Variants in LUZP2 observed in about 807,000 individuals in gnomAD.
The protein encoded by LUZP2 is leucine zipper protein 2.
A neutral mutation model predicts 51.6 loss-of-function variants in LUZP2; 52 were observed. The observed-to-expected ratio is 1.01, with a 90% confidence interval of 0.81 to 1.27. The LOEUF (loss-of-function observed/expected upper bound fraction) is 1.27. Among genes scored for constraint, LUZP2 ranks in the 50% most tolerant of loss-of-function variants. LUZP2 has a pLI of 0.00. For synonymous variants in LUZP2, 154 were observed against 137.3 expected (o/e 1.12, Z -0.85); for missense variants, 436 against 395.4 (o/e 1.10, Z -0.87).
intron 5 of LUZP2, among the ~76,000 whole-genome samples, chr11:24,796,348 T>C (rs1849543334): frequency 6.6e-6 from 1 of 152,130 alleles, no homozygotes; most frequent in African/African-American, 2.4e-5. Flanking sequence ...CTTCCAATTA[T>C]AGTGTGTTCT....
intron 1 of LUZP2, among the ~76,000 whole-genome samples, chr11:24,593,022 C>T (rs1015717847): frequency 1.3e-5 from 2 of 152,006 alleles, no homozygotes; most frequent in South Asian, 2.1e-4. Flanking sequence ...TTTGACACCT[C>T]GATTCTTTCT....
intron 1 of LUZP2, among the ~76,000 whole-genome samples, chr11:24,593,177 T>C (rs1273551854): frequency 6.6e-6 from 1 of 152,224 alleles, no homozygotes; most frequent in Admixed American, 6.5e-5. Context: ...TTTCCTCTGC[T>C]CCGAACTCCC....
Position 24,807,024 on chromosome 11 carries a change from CAA to C in LUZP2, c.396+43734_396+43735del, listed in dbSNP as rs34565471. Among the ~76,000 whole-genome samples the C allele has an allele frequency of 9.4e-3, 1,032 of 110,250 alleles. 14 individuals carry two copies. Among genetic ancestry groups the C allele is most frequent in the African/African-American group, 0.033 (979 of 29,326 alleles). 72.3% of individuals were successfully genotyped at this position (110,250 alleles called of 152,430 possible). A position where few individuals can be genotyped will look rare whatever the true frequency, so the allele number is the denominator to read the frequency against. ...TTACTATCCCTCAAAGAAAATCCAC[CAA>C]AAAAAAAAAAAAAAAAAGGAGAGAT... On this transcript the variant is annotated intron_variant, in intron 5 of 11. Coordinates refer to ENST00000336930, the MANE Select transcript of LUZP2 (RefSeq NM_001009909.4).
chr11:24,829,563 CAA>C (rs1367490799), intron 5 of LUZP2, among the ~76,000 whole-genome samples: 2 of 152,014 alleles, frequency 1.3e-5, no homozygotes, highest in Admixed American at 1.3e-4. Flanking sequence ...CTCTGTTGCA[CAA>C]AGAGGGTTAA....
At chr11:24,920,294 A>C (rs924714977) in intron 7 of LUZP2, among the ~76,000 whole-genome samples, 2 of 152,026 alleles carry the variant, frequency 1.3e-5, no homozygotes, top group Admixed American at 1.3e-4. Context: ...GGCTTAGTTA[A>C]ATTACTGCTT....
At position 24,959,243 on chromosome 11, in the gene LUZP2, T is replaced by G. The variant is rs2133875640; in HGVS notation, c.523-17348T>G. ...GGATTGACTTGGCGATGCGGGCTCT[T>G]TTTTAGTTCCATATGAACTTTAAAG... On this transcript the variant is annotated intron_variant, in intron 7 of 11. Transcript: ENST00000336930. Among the ~76,000 whole-genome samples the G allele has an allele frequency of 2.0e-5, 3 of 152,252 alleles. No homozygotes were observed. In the South Asian group the frequency reaches 6.2e-4, roughly 32 times the overall value.
chr11:25,043,454 A>T (rs545900156), intron 9 of LUZP2, among the ~76,000 whole-genome samples: 14 of 152,032 alleles, frequency 9.2e-5, no homozygotes, highest in Middle Eastern at 3.4e-3. Flanking sequence ...CTCCCTTCCT[A>T]AAAACAAACA....
chr11:24,602,090 A>G (rs62643969), intron 1 of LUZP2, among the ~76,000 whole-genome samples: 4,076 of 84,868 alleles, frequency 0.048, 145 homozygotes, highest in Admixed American at 0.068. Flanking sequence ...ATGTGTATAT[A>G]TGTATATATG....
chr11:24,741,266 A>G (rs1167557829), intron 4 of LUZP2, among the ~76,000 whole-genome samples: 1 of 152,018 alleles, frequency 6.6e-6, no homozygotes, highest in Non-Finnish European at 1.5e-5. Context: ...CTTTATGGGA[A>G]TCAGACATAT....
rs148138233 is a variant in LUZP2, at chr11:24,726,749, C to G, written c.63-2420C>G. On this transcript the variant is annotated intron_variant, in intron 1 of 11. Coordinates refer to ENST00000336930, the MANE Select transcript of LUZP2 (RefSeq NM_001009909.4). Reference sequence around the variant, plus strand: ...GTAATATATAGACATGGAAAGTGCTCTAAGACATATGAAGCCAGTTACAGA... The same window carrying G: ...GTAATATATAGACATGGAAAGTGCTGTAAGACATATGAAGCCAGTTACAGA... 6.3e-3 allele frequency among the ~76,000 whole-genome samples: 951 copies of G among 152,106 alleles called. 16 individuals are homozygous for G. Among genetic ancestry groups the G allele is most frequent in the African/African-American group, 0.022 (922 of 41,512 alleles).
At chr11:25,021,341 C>T (rs1161058911) in intron 9 of LUZP2, among the ~76,000 whole-genome samples, 3 of 151,376 alleles carry the variant, frequency 2.0e-5, no homozygotes, top group African/African-American at 7.3e-5. Context: ...GAAGAAATAG[C>T]CATGCACAAA....
chr11:24,566,781 A>T (rs1406932276), intron 1 of LUZP2, among the ~76,000 whole-genome samples: 1 of 145,084 alleles, frequency 6.9e-6, no homozygotes, highest in Non-Finnish European at 1.5e-5. Context: ...GTATATATAC[A>T]TATATATAAT....
intron 7 of LUZP2, among the ~76,000 whole-genome samples, chr11:24,957,624 C>T (rs1318870715): frequency 1.3e-5 from 2 of 152,140 alleles, no homozygotes; most frequent in Non-Finnish European, 2.9e-5. Flanking sequence ...GCTTATTTCA[C>T]TTAGCATAAT....
At chr11:24,982,356 C>T (rs755789902) in intron 8 of LUZP2, among the ~76,000 whole-genome samples, 1 of 151,782 alleles carries the variant, frequency 6.6e-6, no homozygotes, top group African/African-American at 2.4e-5. Flanking sequence ...ATAGAATCAA[C>T]CTAAATGCCC....
At chr11:24,859,197 CATCTT>C (rs1442619387) in intron 5 of LUZP2, among the ~76,000 whole-genome samples, 1 of 151,980 alleles carries the variant, frequency 6.6e-6, no homozygotes, top group Non-Finnish European at 1.5e-5. Context: ...TATATTAAGT[CATCTT>C]ATTTTATTAA....
At chr11:24,577,356 G>T (rs1590201325) in intron 1 of LUZP2, among the ~76,000 whole-genome samples, 1 of 152,140 alleles carries the variant, frequency 6.6e-6, no homozygotes, top group South Asian at 2.1e-4. Context: ...TTAATTTGGG[G>T]TTTTTCAAGG....
chr11:24,856,653 A>G (rs1311735387), intron 5 of LUZP2, among the ~76,000 whole-genome samples: 2 of 152,136 alleles, frequency 1.3e-5, no homozygotes, highest in Non-Finnish European at 2.9e-5. Flanking sequence ...ACTATTCACA[A>G]TAGCAAAGAT....
At chr11:24,564,893 T>C (rs1282282899) in intron 1 of LUZP2, among the ~76,000 whole-genome samples, 1 of 152,124 alleles carries the variant, frequency 6.6e-6, no homozygotes, top group Non-Finnish European at 1.5e-5. Context: ...AGTATATGTT[T>C]GAGATAAATT....
intron 5 of LUZP2, among the ~76,000 whole-genome samples, chr11:24,866,020 G>A (rs1355265139): frequency 6.6e-6 from 1 of 151,440 alleles, no homozygotes; most frequent in African/African-American, 2.4e-5. Context: ...TGTTTGCCAG[G>A]TTGGTCTCGA....
Sources: gnomAD v4.1 joint callset for allele counts (sites outside exome capture counted in the v4.1 genomes callset) on GRCh38, gnomAD v4.1.1 for gene constraint, MANE v1.5 for transcripts, NCBI Gene and HGNC (gene_info 2026-07-23, HGNC 2026-07-21) for gene names.